RANBP17: variants seen among roughly 807,000 people sequenced by gnomAD.
The protein encoded by RANBP17 is ran-binding protein 17.
Under a neutral mutation model 141.2 loss-of-function variants are expected in RANBP17, and 158 were observed. That is an observed-to-expected ratio of 1.12 (90% CI 0.98 to 1.28). The LOEUF is 1.28. RANBP17 is among the 50% of genes most tolerant of loss of function. RANBP17 has a pLI of 0.00. For synonymous variants in RANBP17, 430 were observed against 450.0 expected (o/e 0.96, Z 0.56); for missense variants, 1,438 against 1,290.7 (o/e 1.11, Z -1.75).
intron 24 of RANBP17, among the ~76,000 whole-genome samples, chr5:171,262,778 C>G (rs1766419196): frequency 6.6e-6 from 1 of 152,164 alleles, no homozygotes; most frequent in East Asian, 1.9e-4. Context: ...CATTAACCAA[C>G]CTTTGGAAAA....
At chr5:171,089,077 T>G (rs1785958842) in intron 14 of RANBP17, among the ~76,000 whole-genome samples, 1 of 151,692 alleles carries the variant, frequency 6.6e-6, no homozygotes, top group Non-Finnish European at 1.5e-5. Flanking sequence ...CTCTGTTTTT[T>G]CCCCATCTTT....
At chr5:171,203,177 T>C (rs1762394892) in intron 19 of RANBP17, among the ~76,000 whole-genome samples, 1 of 152,206 alleles carries the variant, frequency 6.6e-6, no homozygotes, top group Admixed American at 6.5e-5. Flanking sequence ...GTTGACCAAC[T>C]ATAGGAGAGA....
chr5:170,949,865 A>G (rs1775066365), intron 12 of RANBP17, among the ~76,000 whole-genome samples: 1 of 152,230 alleles, frequency 6.6e-6, no homozygotes, highest in Non-Finnish European at 1.5e-5. Context: ...ATATATCCAT[A>G]GTAACCAAAA....
intron 14 of RANBP17, among the ~76,000 whole-genome samples, chr5:171,016,276 A>G (rs990584809): frequency 1.3e-5 from 2 of 151,488 alleles, no homozygotes; most frequent in Non-Finnish European, 2.9e-5. Context: ...CAAGAGGGTC[A>G]ATACTCCCTG....
intron 14 of RANBP17, among the ~76,000 whole-genome samples, chr5:170,973,245 CCAGA>C (rs767462205): frequency 1.9e-4 from 29 of 152,180 alleles, no homozygotes; most frequent in Middle Eastern, 6.8e-3. Context: ...GAAATGAAGA[CCAGA>C]CAAACTATTA....
chr5:170,897,613 A>G (rs757951509), intron 5 of RANBP17, among the ~76,000 whole-genome samples: 104 of 132,648 alleles, frequency 7.8e-4, no homozygotes, highest in Admixed American at 1.3e-3. Context: ...CCCCGTGTCC[A>G]TGTGATCTCA....
At position 170,896,037 on chromosome 5, in the gene RANBP17, A is replaced by G. The variant is rs765045550; in HGVS notation, c.424-13A>G. 1.9e-6 allele frequency: 3 copies of G among 1,561,660 alleles called. No individual in the cohort carries two copies. Among genetic ancestry groups the G allele is most frequent in the Non-Finnish European group, 2.6e-6 (3 of 1,151,362 alleles). ...GTCTCCACTTAGGCTAAACTTTGTT[A>G]TTTTCTCCAAAGGGTACTGTGGAAC... On this transcript the variant is annotated splice_polypyrimidine_tract_variant and intron_variant, in intron 4 of 27. Transcript: ENST00000523189.
In RANBP17 at chr5:171,107,918, A is replaced by G. The variant is rs899789421; in HGVS notation, c.1711-62212A>G. 2.6e-5 allele frequency among the ~76,000 whole-genome samples: 4 copies of G among 152,216 alleles called. No individual in the cohort carries two copies. The South Asian group carries it at 8.3e-4, about 32-fold the overall frequency. On this transcript the variant is annotated intron_variant, in intron 14 of 27. Coordinates refer to ENST00000523189, the MANE Select transcript of RANBP17 (RefSeq NM_022897.5). ...TATGCTCCTATAATACATGCCGTAC[A>G]TCTTCATTAGGAAGGCACAGAGCAA...
Position 170,955,445 on chromosome 5 carries a change from G to A in RANBP17, c.1574+1743G>A, listed in dbSNP as rs186511161. On this transcript the variant is annotated intron_variant, in intron 13 of 27. Coordinates refer to ENST00000523189, the MANE Select transcript of RANBP17 (RefSeq NM_022897.5). ...ATGATCTCTTCTAACTTATTTGAAA[G>A]AGCTCAGTATATATATATATCTATA... Among the ~76,000 whole-genome samples the A allele has an allele frequency of 4.6e-3, 535 of 117,386 alleles. 5 individuals are homozygous for A. The highest frequency in any genetic ancestry group is 0.015 in the African/African-American group (517 of 34,206). The allele number at this position is 117,386 out of a possible 152,430, so 77.0% of individuals were successfully genotyped here.
chr5:171,137,958 T>TAG (rs1757431011), intron 14 of RANBP17, among the ~76,000 whole-genome samples: 1 of 149,798 alleles, frequency 6.7e-6, no homozygotes, highest in Non-Finnish European at 1.5e-5. Context: ...GAGATATATA[T>TAG]ATATATATAT....
At chr5:171,173,627 C>T (rs974515525) in intron 16 of RANBP17, among the ~76,000 whole-genome samples, 1 of 152,102 alleles carries the variant, frequency 6.6e-6, no homozygotes, top group Admixed American at 6.6e-5. Flanking sequence ...ATTGAAATCA[C>T]ACAAGACCCC....
intron 25 of RANBP17, among the ~76,000 whole-genome samples, chr5:171,287,837 A>G (rs1344162583): frequency 1.3e-5 from 2 of 152,050 alleles, no homozygotes; most frequent in Non-Finnish European, 2.9e-5. Context: ...GCCAGGCTGG[A>G]CCAGGGTTCA....
intron 16 of RANBP17, 48 bp downstream of exon 16, chr5:171,171,334 G>C: frequency 9.5e-7 from 1 of 1,053,250 alleles, no homozygotes; most frequent in East Asian, 2.5e-5. Flanking sequence ...CAACCTAGCA[G>C]ATGCATTTAA....
chr5:171,168,808 G>A (rs1427212625), intron 14 of RANBP17, among the ~76,000 whole-genome samples: 1 of 152,032 alleles, frequency 6.6e-6, no homozygotes. Flanking sequence ...AAGGCAGCAG[G>A]AATTTGAATC....
chr5:171,095,984 G>C lies in RANBP17; in HGVS notation c.1711-74146G>C, dbSNP rs767084122. Among the ~76,000 whole-genome samples the C allele has an allele frequency of 2.6e-5, 4 of 152,222 alleles. No individual in the cohort carries two copies. In the South Asian group the frequency reaches 8.3e-4, roughly 32 times the overall value. ...ATTTACTATTCATTTAGAGGAAGTGGGTCATCACAAAGGTCTTTATTCTCA... is the reference window on the plus strand; with the variant it reads ...ATTTACTATTCATTTAGAGGAAGTGCGTCATCACAAAGGTCTTTATTCTCA... On this transcript the variant is annotated intron_variant, in intron 14 of 27. Coordinates refer to ENST00000523189, the MANE Select transcript of RANBP17 (RefSeq NM_022897.5).
intron 14 of RANBP17, among the ~76,000 whole-genome samples, chr5:170,983,752 T>C (rs745781467): frequency 3.9e-5 from 6 of 152,170 alleles, no homozygotes; most frequent in Non-Finnish European, 5.9e-5. Flanking sequence ...CAACATAGTT[T>C]TATGCATGAA....
chr5:171,270,831 T>C (rs1015783336), intron 25 of RANBP17, among the ~76,000 whole-genome samples: 1 of 152,062 alleles, frequency 6.6e-6, no homozygotes, highest in Non-Finnish European at 1.5e-5. Context: ...AGTAACACCT[T>C]CCACAGAAAT....
chr5:171,276,477 T>C (rs1302433512), intron 25 of RANBP17, among the ~76,000 whole-genome samples: 1 of 152,212 alleles, frequency 6.6e-6, no homozygotes, highest in Non-Finnish European at 1.5e-5. Flanking sequence ...TTTGGCTTTG[T>C]CTTTAAACTA....
At chr5:170,865,838 G>A (rs983836255) in intron 1 of RANBP17, among the ~76,000 whole-genome samples, 1 of 152,140 alleles carries the variant, frequency 6.6e-6, no homozygotes, top group Admixed American at 6.5e-5. Flanking sequence ...TTTGTTACAG[G>A]GACAGGATAC....
Sources: allele counts gnomAD v4.1 joint callset (sites outside exome capture counted in the v4.1 genomes callset), GRCh38; gene constraint gnomAD v4.1.1; transcripts MANE v1.5; gene names NCBI Gene and HGNC (gene_info 2026-07-23, HGNC 2026-07-21).